The following MYO1E variants were observed in gnomAD, a reference collection of about 807,000 sequenced individuals.
MYO1E encodes unconventional myosin-Ie.
In MYO1E, 68 loss-of-function variants were observed where a neutral mutation model predicts 151.1. The observed-to-expected ratio is 0.45, with a 90% CI of 0.37 to 0.55. MYO1E has a LOEUF of 0.55. MYO1E is among the 20% of genes least tolerant of loss of function. The pLI, the probability that MYO1E is intolerant of heterozygous loss-of-function variation, is 0.00. For synonymous variants in MYO1E, 601 were observed against 501.7 expected (o/e 1.20, Z -2.64); for missense variants, 1,363 against 1,389.3 (o/e 0.98, Z 0.30).
At chr15:59,146,189 G>C (rs1036589264) in intron 26 of MYO1E, among the ~76,000 whole-genome samples, 1 of 152,092 alleles carries the variant, frequency 6.6e-6, no homozygotes, top group South Asian at 2.1e-4. Flanking sequence ...TTTTATAATT[G>C]TACAACTTAG....
chr15:59,280,954 A>G (rs932928878), intron 1 of MYO1E, among the ~76,000 whole-genome samples: 5 of 152,156 alleles, frequency 3.3e-5, no homozygotes, highest in African/African-American at 1.2e-4. Flanking sequence ...TTTGTTGCAG[A>G]AATTTTTGTA....
At chr15:59,342,497 T>C (rs1278113286) in intron 1 of MYO1E, among the ~76,000 whole-genome samples, 1 of 152,248 alleles carries the variant, frequency 6.6e-6, no homozygotes, top group Non-Finnish European at 1.5e-5. Context: ...CATTCATCCA[T>C]TTTCATTTGA....
Position 59,195,452 on chromosome 15 carries a change from C to T in MYO1E, c.1805+9G>A. ...TCCCGGCCCCACCTAAGCCGGTTTC[C>T]CCCGATACCTGCTTTCCTCCCAGTC... is the stretch of plus-strand genomic sequence containing the variant. On this transcript the variant is annotated intron_variant, in intron 17 of 27. Coordinates refer to ENST00000288235, the MANE Select transcript of MYO1E (RefSeq NM_004998.4). The T allele has an allele frequency of 6.2e-7, 1 of 1,608,596 alleles. No individual in the cohort carries two copies. Among genetic ancestry groups the T allele is most frequent in the Non-Finnish European group, 8.5e-7 (1 of 1,174,978 alleles).
In MYO1E at chr15:59,350,908, CTT is replaced by C. The variant is rs2080819633; in HGVS notation, c.3+21588_3+21589del. On this transcript the variant is annotated intron_variant, in intron 1 of 27. Transcript: ENST00000288235. This position sits in a 1 kb window ranked among gnomAD's most constrained non-coding sequence, Gnocchi z 5.0. ...GGTTGGTTGGTTTTTTGTTTTTTGT[CTT>C]TTTTGAGACGGAGTCTCGCTCTGTC... Among the ~76,000 whole-genome samples the C allele has an allele frequency of 6.6e-6, 1 of 151,898 alleles. No individual in the cohort carries two copies. Among genetic ancestry groups the C allele is most frequent in the African/African-American group, 2.4e-5 (1 of 41,360 alleles).
chr15:59,217,492 G>A (rs1380922263), intron 10 of MYO1E, among the ~76,000 whole-genome samples: 1 of 130,736 alleles, frequency 7.6e-6, no homozygotes, highest in Non-Finnish European at 1.6e-5. Context: ...AGCCAGAACA[G>A]GAACACAAAA....
At chr15:59,363,464 G>C (rs562738548) in intron 1 of MYO1E, among the ~76,000 whole-genome samples, 7 of 152,120 alleles carry the variant, frequency 4.6e-5, no homozygotes, top group Non-Finnish European at 1.0e-4. Flanking sequence ...TTTTCTATCA[G>C]CCTTACCTTC....
At chr15:59,320,399 T>C (rs2080618496) in intron 1 of MYO1E, among the ~76,000 whole-genome samples, 1 of 152,056 alleles carries the variant, frequency 6.6e-6, no homozygotes, top group South Asian at 2.1e-4. Flanking sequence ...GCCAGAGACA[T>C]CACATTAACT....
chr15:59,366,289 C>CTT (rs1555422969), intron 1 of MYO1E, among the ~76,000 whole-genome samples: 5 of 56,216 alleles, frequency 8.9e-5, no homozygotes, highest in East Asian at 4.0e-4. Context: ...CTGTCTCTTT[C>CTT]TTTTTTTTCT....
intron 6 of MYO1E, among the ~76,000 whole-genome samples, chr15:59,230,840 G>C (rs769137632): frequency 1.3e-5 from 2 of 152,168 alleles, no homozygotes; most frequent in Non-Finnish European, 2.9e-5. Context: ...AAACGTTCCA[G>C]AATCAGCCTC....
chr15:59,344,556 T>A (rs115311270), intron 1 of MYO1E, among the ~76,000 whole-genome samples: 2,424 of 152,272 alleles, frequency 0.016, 64 homozygotes, highest in African/African-American at 0.054. Flanking sequence ...AATCATCAAG[T>A]AGTGAAGCCA....
chr15:59,253,106 A>G (rs564339448), intron 4 of MYO1E, among the ~76,000 whole-genome samples: 1 of 152,348 alleles, frequency 6.6e-6, no homozygotes, highest in East Asian at 1.9e-4. Flanking sequence ...CTGCAATGTA[A>G]ACAGGTACAA....
chr15:59,229,317 G>A (rs775755863), intron 6 of MYO1E, among the ~76,000 whole-genome samples: 2 of 152,114 alleles, frequency 1.3e-5, no homozygotes, highest in African/African-American at 4.8e-5. Context: ...CAGACTCTAG[G>A]ACCAGGGCCC....
intron 1 of MYO1E, among the ~76,000 whole-genome samples, chr15:59,371,681 G>C (rs1226190150): frequency 1.3e-5 from 2 of 152,180 alleles, no homozygotes; most frequent in African/African-American, 2.4e-5. Flanking sequence ...TCGCGAGGGC[G>C]TCTTCCCGTG....
At chr15:59,354,069 C>T (rs984019667) in intron 1 of MYO1E, among the ~76,000 whole-genome samples, 9 of 152,158 alleles carry the variant, frequency 5.9e-5, no homozygotes, top group Admixed American at 5.2e-4. Flanking sequence ...ACTAACGGCT[C>T]GATCAACCTT....
Position 59,302,105 on chromosome 15 carries a change from A to G in MYO1E, c.4-29656T>C, listed in dbSNP as rs75293966. 1.7e-4 allele frequency among the ~76,000 whole-genome samples: 26 copies of G among 152,306 alleles called. No individual in the cohort carries two copies. In the East Asian group the frequency reaches 4.8e-3, roughly 28 times the overall value. The stretch of plus-strand genomic sequence containing the variant: ...CATGGGGTCTGGCCAATTCTCAGGA[A>G]AGTCCCAGGCACCATGAGCATCAGA... On this transcript the variant is annotated intron_variant, in intron 1 of 27. Coordinates refer to ENST00000288235, the MANE Select transcript of MYO1E (RefSeq NM_004998.4).
intron 19 of MYO1E, among the ~76,000 whole-genome samples, chr15:59,174,862 G>A (rs751891767): frequency 9.2e-5 from 14 of 152,080 alleles, no homozygotes; most frequent in Non-Finnish European, 5.9e-5. Flanking sequence ...ACTTGCATTT[G>A]CCCAGAAAGG....
chr15:59,309,992 T>G (rs1459911340), intron 1 of MYO1E, among the ~76,000 whole-genome samples: 1 of 152,202 alleles, frequency 6.6e-6, no homozygotes, highest in East Asian at 1.9e-4. Flanking sequence ...CTTTCCTCTC[T>G]GTTCTCACAG....
chr15:59,186,707 G>A (rs560942048), intron 18 of MYO1E, among the ~76,000 whole-genome samples: 2 of 152,164 alleles, frequency 1.3e-5, no homozygotes. Context: ...AGTTATGATT[G>A]CACCACTGCA....
intron 14 of MYO1E, among the ~76,000 whole-genome samples, chr15:59,206,031 G>C (rs1343840260): frequency 6.6e-6 from 1 of 152,080 alleles, no homozygotes; most frequent in Non-Finnish European, 1.5e-5. Context: ...TGATGGATGA[G>C]ACCAGGGGAT....
Sources: gnomAD v4.1 joint callset for allele counts (sites outside exome capture counted in the v4.1 genomes callset) on GRCh38, gnomAD v4.1.1 for gene constraint, Gnocchi (gnomAD v3.1) non-coding constraint, MANE v1.5 for transcripts, NCBI Gene and HGNC (gene_info 2026-07-23, HGNC 2026-07-21) for gene names.